The following GLI3 variants were observed in gnomAD, a reference collection of about 807,000 sequenced individuals.
The protein encoded by GLI3 is transcription activator GLI3.
A neutral mutation model predicts 100.8 loss-of-function variants in GLI3; 20 were observed. The ratio of observed to expected loss-of-function variants is 0.20; its 90% confidence interval spans 0.14 to 0.29. The LOEUF (loss-of-function observed/expected upper bound fraction) is 0.29, where lower values mean the gene tolerates loss of function less well. Among genes scored for constraint, GLI3 ranks in the 10% least tolerant of loss-of-function variants. The pLI, the probability that GLI3 is intolerant of heterozygous loss-of-function variation, is 1.00. For missense variants in GLI3, 2,040 were observed against 2,128.5 expected, an observed-to-expected ratio of 0.96 and a Z score of 0.82; for synonymous variants, 938 against 860.5, an observed-to-expected ratio of 1.09 and a Z score of -1.58.
chr7:42,182,662 A>ATATAAGTGTGTG (rs750131355), intron 2 of GLI3, among the ~76,000 whole-genome samples: 1 of 76,714 alleles, frequency 1.3e-5, no homozygotes, highest in Non-Finnish European at 2.5e-5. Context: ...ATATATATAT[A>ATATAAGTGTGTG]TATATATATA....
At chr7:42,165,542 G>A (rs986514091) in intron 2 of GLI3, among the ~76,000 whole-genome samples, 2 of 152,150 alleles carry the variant, frequency 1.3e-5, no homozygotes, top group Non-Finnish European at 2.9e-5. Flanking sequence ...TTCACTGATT[G>A]GGTCATGAAG....
chr7:42,213,139 T>G (rs1489596806), intron 2 of GLI3, among the ~76,000 whole-genome samples: 2 of 152,214 alleles, frequency 1.3e-5, no homozygotes, highest in African/African-American at 4.8e-5. Context: ...TTCCCCATTA[T>G]GATGCGCTTA....
chr7:42,149,509 C>G (rs1786804902), intron 2 of GLI3, among the ~76,000 whole-genome samples: 1 of 152,194 alleles, frequency 6.6e-6, no homozygotes, highest in Non-Finnish European at 1.5e-5. Context: ...CAATTCATCT[C>G]TTTGAATCAT....
rs757304776 is a variant in GLI3, at chr7:42,045,438, C to A, written c.772G>T (p.Ala258Ser). 3 of 1,613,926 alleles carry A rather than the reference C, an allele frequency of 1.9e-6. No homozygotes were observed. The East Asian group carries it at 6.7e-5, about 36-fold the overall frequency. Residue 258 changes from alanine to serine, a missense_variant, in exon 6 of 15, where the codon GCT (alanine) becomes TCT (serine). Physicochemically the swap from Ala to Ser is moderately conservative, Grantham distance 99. Transcript: ENST00000395925. Reference sequence around the variant, plus strand: ...ATGGCCCCCGTGCCGGCGGTGGCAGCTGAGGGAATAATGTCTGCATAGGGG... The same window carrying A: ...ATGGCCCCCGTGCCGGCGGTGGCAGATGAGGGAATAATGTCTGCATAGGGG... ...RSPYADIIPS[A>S]ATAGTGAIHM...
At position 42,039,804 on chromosome 7, in the gene GLI3, C is replaced by G. The variant is rs143277095; in HGVS notation, c.1028+234G>C. ...GGATTTCATCATAACTCAATAACTG[C>G]TATTTCTATATAGGGGCTATTGACT... On this transcript the variant is annotated intron_variant, in intron 7 of 14. Transcript: ENST00000395925. Among the ~76,000 whole-genome samples, 11 of 152,284 alleles carry G rather than the reference C, an allele frequency of 7.2e-5. No homozygotes were observed. The East Asian group carries it at 1.9e-3, about 27-fold the overall frequency.
intron 2 of GLI3, among the ~76,000 whole-genome samples, chr7:42,187,777 G>T (rs576785174): frequency 1.3e-5 from 2 of 152,006 alleles, no homozygotes; most frequent in African/African-American, 4.8e-5. Flanking sequence ...GGCCGAGACC[G>T]GTGGATCACA....
At chr7:42,132,245 C>CGCCTGCCAACACGCCT (rs201880044) in intron 3 of GLI3, among the ~76,000 whole-genome samples, 1 of 145,488 alleles carries the variant, frequency 6.9e-6, no homozygotes, top group African/African-American at 2.7e-5. Context: ...GGACTACAGG[C>CGCCTGCCAACACGCCT]GCCCGCCACT....
At chr7:42,182,670 A>ATATATATATACATGTGTG (rs1787632166) in intron 2 of GLI3, among the ~76,000 whole-genome samples, 1 of 73,352 alleles carries the variant, frequency 1.4e-5, no homozygotes, top group African/African-American at 6.1e-5. Context: ...ATATATATAT[A>ATATATATATACATGTGTG]TATATATATA....
At position 41,961,219 on chromosome 7, in the gene GLI3, TCTAA is replaced by T. The variant is rs1787003712; in HGVS notation, c.*3107_*3110del. 6.6e-6 allele frequency: 1 copy of T among 152,556 alleles called. No homozygotes were observed. Among genetic ancestry groups the T allele is most frequent in the African/African-American group, 2.4e-5 (1 of 41,408 alleles). The allele number at this position is 152,556 out of a possible 1,614,324, so 9.5% of individuals were successfully genotyped here. On this transcript the variant is annotated 3_prime_UTR_variant, in exon 15 of 15. Coordinates refer to ENST00000395925, the MANE Select transcript of GLI3 (RefSeq NM_000168.6). ...TTACACATTTTATTTTTTAAAAAAA[TCTAA>T]AAAAGGTGAAAAAAATGAACTTGTA...
intron 2 of GLI3, among the ~76,000 whole-genome samples, chr7:42,192,506 A>T (rs1052038260): frequency 6.6e-6 from 1 of 152,262 alleles, no homozygotes; most frequent in Non-Finnish European, 1.5e-5. Context: ...CATGTATTAA[A>T]GTGATGAAAT....
At chr7:41,999,243 C>T (rs2128721059) in intron 10 of GLI3, among the ~76,000 whole-genome samples, 2 of 152,258 alleles carry the variant, frequency 1.3e-5, no homozygotes, top group South Asian at 4.2e-4. Context: ...CCTAGGACAC[C>T]TGCCTTCATC....
chr7:42,075,807 CAATT>C (rs781100133), intron 4 of GLI3, among the ~76,000 whole-genome samples: 11 of 152,142 alleles, frequency 7.2e-5, no homozygotes, highest in Non-Finnish European at 1.5e-4. Flanking sequence ...TTGTTAATAT[CAATT>C]AATTCTGTTC....
Position 41,961,488 on chromosome 7 carries a change from T to G in GLI3, c.*2842A>C, listed in dbSNP as rs945924384. 4 of 152,608 alleles carry G rather than the reference T, an allele frequency of 2.6e-5. No homozygotes were observed. Among genetic ancestry groups the G allele is most frequent in the Admixed American group, 2.0e-4 (3 of 15,284 alleles). The allele number at this position is 152,608 out of a possible 1,614,324, so 9.5% of individuals were successfully genotyped here. On this transcript the variant is annotated 3_prime_UTR_variant, in exon 15 of 15. Transcript: ENST00000395925. ...ACATACATCGCAAGAATCAAAACTT[T>G]GTGGCTCAAGAGGAAGAGCCAATGT...
intron 9 of GLI3, among the ~76,000 whole-genome samples, chr7:42,024,793 T>C (rs1321017386): frequency 6.6e-6 from 1 of 152,140 alleles, no homozygotes; most frequent in Non-Finnish European, 1.5e-5. Flanking sequence ...TCCCTTCTGG[T>C]TCGCCAGGCT....
chr7:42,092,133 C>T (rs1478407965), intron 3 of GLI3, among the ~76,000 whole-genome samples: 2 of 152,164 alleles, frequency 1.3e-5, no homozygotes, highest in East Asian at 3.9e-4. Flanking sequence ...GATTATCTGC[C>T]CTGCGGCCAA....
Position 42,152,502 on chromosome 7 carries a change from GA to G in GLI3, c.125-4035del, listed in dbSNP as rs1786896975. ...CCAGGCAATGCTGCTCCCATTAGAG[GA>G]ATTAAAAGTGGTTGGAGCCATGCTA... is the stretch of plus-strand genomic sequence containing the variant. On this transcript the variant is annotated intron_variant, in intron 2 of 14. Transcript: ENST00000395925. 1.9e-5 allele frequency: 15 copies of G among 792,564 alleles called. No individual in the cohort carries two copies. The South Asian group carries it at 4.6e-4, about 24-fold the overall frequency. 49.1% of individuals were successfully genotyped at this position (792,564 alleles called of 1,614,324 possible).
chr7:42,099,360 CACCA>C (rs1472234908), intron 3 of GLI3, among the ~76,000 whole-genome samples: 2 of 152,146 alleles, frequency 1.3e-5, no homozygotes, highest in African/African-American at 4.8e-5. Flanking sequence ...AAAAGCAATC[CACCA>C]ACCAACCAAT....
intron 10 of GLI3, among the ~76,000 whole-genome samples, chr7:41,984,128 A>G (rs940233078): frequency 2.0e-5 from 3 of 152,200 alleles, no homozygotes; most frequent in Non-Finnish European, 4.4e-5. Context: ...ATGTCCACCA[A>G]GGAGGCTTGG....
chr7:42,171,280 C>T (rs965727059), intron 2 of GLI3, among the ~76,000 whole-genome samples: 3 of 152,206 alleles, frequency 2.0e-5, no homozygotes, highest in African/African-American at 7.2e-5. Context: ...GACATTTTAA[C>T]ACTTCTTCCC....
Sources: allele counts gnomAD v4.1 joint callset (sites outside exome capture counted in the v4.1 genomes callset), GRCh38; gene constraint gnomAD v4.1.1; transcripts MANE v1.5; gene names NCBI Gene and HGNC (gene_info 2026-07-23, HGNC 2026-07-21).